Variants in TLR4 observed in about 807,000 individuals in gnomAD.
The protein encoded by TLR4 is toll-like receptor 4.
TLR4 carries 17 observed loss-of-function variants against 27.4 expected under a neutral mutation model. That is an observed-to-expected ratio of 0.62 (90% CI 0.42 to 0.93). TLR4 has a LOEUF of 0.93. TLR4 is among the 40% of genes least tolerant of loss of function. TLR4 has a pLI of 0.00. For missense variants in TLR4, 926 were observed against 962.3 expected (o/e 0.96, Z 0.50); for synonymous variants, 363 against 365.7 (o/e 0.99, Z 0.08).
At position 117,708,637 on chromosome 9, in the gene TLR4, C is replaced by T; in HGVS notation, c.168C>T (p.Thr56=). 1 of 1,613,980 alleles carries T rather than the reference C, an allele frequency of 6.2e-7. No homozygotes were observed. The highest frequency in any genetic ancestry group is 1.3e-5 in the African/African-American group (1 of 75,018). The part of the protein sequence containing the change: ...YKIPDNLPFS[T]KNLDLSFNPL... ...TCCCCGACAACCTCCCCTTCTCAAC[C>T]AAGAACCTGGACCTGAGCTTTAATC... is the stretch of plus-strand genomic sequence containing the variant. Residue 56 remains threonine, a synonymous_variant, in exon 2 of 3, where the codon ACC becomes ACT. Coordinates refer to ENST00000355622, the MANE Select transcript of TLR4 (RefSeq NM_138554.5).
chr9:117,719,440 C>G lies in TLR4; in HGVS notation c.*4792C>G, dbSNP rs1564269846. ...ACTGTTCTATGGCAAGAGCACCCTG[C>G]TCTCACAAAATGCATAAAACTTCCT... On this transcript the variant is annotated 3_prime_UTR_variant, in exon 3 of 3. Transcript: ENST00000355622. 1.3e-5 allele frequency: 2 copies of G among 152,094 alleles called. No homozygotes were observed. Among genetic ancestry groups the G allele is most frequent in the Non-Finnish European group, 2.9e-5 (2 of 68,012 alleles). 9.4% of individuals were successfully genotyped at this position (152,094 alleles called of 1,614,324 possible).
chr9:117,719,528 T>C lies in TLR4; in HGVS notation c.*4880T>C. On this transcript the variant is annotated 3_prime_UTR_variant, in exon 3 of 3. Coordinates refer to ENST00000355622, the MANE Select transcript of TLR4 (RefSeq NM_138554.5). ...AGAAGTATTATTATTATTACTTGTT[T>C]TTATTTATATTACAGCTGTAAGAGC... The C allele has an allele frequency of 6.6e-6, 1 of 152,338 alleles. No homozygotes were observed. Among genetic ancestry groups the C allele is most frequent in the South Asian group, 2.1e-4 (1 of 4,820 alleles). The allele number at this position is 152,338 out of a possible 1,614,324, so 9.4% of individuals were successfully genotyped here. A position where few individuals can be genotyped will look rare whatever the true frequency, so the allele number is the denominator to read the frequency against.
chr9:117,713,434 CAAAT>C lies in TLR4; in HGVS notation c.1307_1310del (p.Gln436ArgfsTer40), dbSNP rs1375700071. On this transcript the variant is annotated frameshift_variant, in exon 3 of 3. Transcript: ENST00000355622. LOFTEE classifies it low-confidence loss of function (END_TRUNC). ...GGATTTCCAGCATTCCAATTTGAAA[CAAAT>C]GAGTGAGTTTTCAGTATTCCTATCA... The C allele has an allele frequency of 1.2e-6, 2 of 1,614,012 alleles. No homozygotes were observed. Among genetic ancestry groups the C allele is most frequent in the South Asian group, 2.2e-5 (2 of 91,082 alleles).
intron 2 of TLR4, chr9:117,709,011 T>G: frequency 2.6e-6 from 1 of 387,248 alleles, no homozygotes; most frequent in Non-Finnish European, 4.8e-6. Flanking sequence ...CTTAAATTCT[T>G]TCATAAGCAG....
chr9:117,708,918 C>T (rs2131165500), intron 2 of TLR4, 189 bp downstream of exon 2: 3 of 680,320 alleles, frequency 4.4e-6, no homozygotes, highest in Non-Finnish European at 7.2e-6. Context: ...GTTTTCTAAT[C>T]TGTGAAGTAG....
In TLR4 at chr9:117,714,128, A is replaced by C; in HGVS notation, c.2000A>C (p.Tyr667Ser). ...HLMLLAGCIKYGRGENIYDAF... is the reference protein window; with the variant it reads ...HLMLLAGCIKSGRGENIYDAF... ...ATGCTTCTTGCTGGCTGCATAAAGT[A>C]TGGTAGAGGTGAAAACATCTATGAT... Residue 667 changes from tyrosine (Y) to serine (S), a missense_variant, in exon 3 of 3, where the codon TAT becomes TCT. Transcript: ENST00000355622. 3.1e-6 allele frequency: 5 copies of C among 1,614,122 alleles called. No individual in the cohort carries two copies. The highest frequency in any genetic ancestry group is 4.2e-6 in the Non-Finnish European group (5 of 1,180,012).
chr9:117,704,597 TC>T (rs1373420865), intron 1 of TLR4, 32 bp downstream of exon 1: 1 of 1,586,306 alleles, frequency 6.3e-7, no homozygotes, highest in Non-Finnish European at 8.7e-7. Context: ...CTCTGAACTT[TC>T]CCTCACTTCT....
chr9:117,723,248 G>A lies in TLR4; in HGVS notation c.*8600G>A, dbSNP rs945017515. On this transcript the variant is annotated 3_prime_UTR_variant, in exon 3 of 3. Coordinates refer to ENST00000355622, the MANE Select transcript of TLR4 (RefSeq NM_138554.5). ...CATGTGGTTTTAGCGTTCTAAACCTGATGATGCTATATCAAAACGGGAGAC... is the reference window on the plus strand; with the variant it reads ...CATGTGGTTTTAGCGTTCTAAACCTAATGATGCTATATCAAAACGGGAGAC... 1 of 152,192 alleles carries A rather than the reference G, an allele frequency of 6.6e-6. No homozygotes were observed. Among genetic ancestry groups the A allele is most frequent in the Non-Finnish European group, 1.5e-5 (1 of 68,046 alleles). 9.4% of individuals were successfully genotyped at this position (152,192 alleles called of 1,614,324 possible).
Position 117,713,917 on chromosome 9 carries a change from C to T in TLR4, c.1789C>T (p.Gln597Ter). ...GAGTTTCCTGCAATGGATCAAGGAC[C>T]AGAGGCAGCTCTTGGTGGAAGTTGA... ...HQSFLQWIKD[Q>*]RQLLVEVERM... The change falls in exon 3 of 3, where the codon CAG becomes TAG. Residue 597 changes from glutamine (Q) to a stop codon, truncating the protein, a stop_gained. Coordinates refer to ENST00000355622, the MANE Select transcript of TLR4 (RefSeq NM_138554.5). LOFTEE classifies it high-confidence loss of function. The T allele has an allele frequency of 6.2e-7, 1 of 1,613,990 alleles. No homozygotes were observed. Among genetic ancestry groups the T allele is most frequent in the Non-Finnish European group, 8.5e-7 (1 of 1,179,990 alleles).
chr9:117,708,522 C>G, intron 1 of TLR4, 41 bp from the exon 2 acceptor site: 1 of 1,612,790 alleles, frequency 6.2e-7, no homozygotes, highest in South Asian at 1.1e-5. Flanking sequence ...GTTGGGAGAC[C>G]ATGCAGTAAA....
intron 2 of TLR4, among the ~76,000 whole-genome samples, chr9:117,711,641 G>A (rs1182055373): frequency 6.6e-6 from 1 of 151,928 alleles, no homozygotes; most frequent in Non-Finnish European, 1.5e-5. Flanking sequence ...TGGGGCTTTT[G>A]TGTTTGCTGT....
rs1377427302 is a variant in TLR4 at position 117,723,863 on chromosome 9, A to G, written c.*9215A>G. The G allele has an allele frequency of 6.6e-6, 1 of 152,200 alleles. No homozygotes were observed. The highest frequency in any genetic ancestry group is 1.5e-5 in the Non-Finnish European group (1 of 68,034). 9.4% of individuals were successfully genotyped at this position (152,200 alleles called of 1,614,324 possible). On this transcript the variant is annotated 3_prime_UTR_variant, in exon 3 of 3. Transcript: ENST00000355622. Reference sequence around the variant, plus strand: ...CTTCTTTCCCATACTTGACATTTAAAGTGATATCTCCCAGGCTCCTACACT... The same window carrying G: ...CTTCTTTCCCATACTTGACATTTAAGGTGATATCTCCCAGGCTCCTACACT...
chr9:117,712,954 G>C lies in TLR4; in HGVS notation c.826G>C (p.Ala276Pro). Residue 276 changes from alanine (A) to proline (P), a missense_variant, in exon 3 of 3, where the codon GCT becomes CCT. Transcript: ENST00000355622. ...AAACTTGGAAAAGTTTGACAAATCT[G>C]CTCTAGAGGGCCTGTGCAATTTGAC... ...EGNLEKFDKS[A>P]LEGLCNLTIE... 1 of 1,614,122 alleles carries C rather than the reference G, an allele frequency of 6.2e-7. No individual in the cohort carries two copies. The highest frequency in any genetic ancestry group is 8.5e-7 in the Non-Finnish European group (1 of 1,179,992).
At chr9:117,708,361 T>A in intron 1 of TLR4, 3 of 1,399,932 alleles carry the variant, frequency 2.1e-6, no homozygotes, top group South Asian at 3.0e-5. Context: ...TACTTTCTAA[T>A]CTAGAGTAAG....
chr9:117,708,664 C>T lies in TLR4; in HGVS notation c.195C>T (p.Pro65=). 1 of 1,613,950 alleles carries T rather than the reference C, an allele frequency of 6.2e-7. No individual in the cohort carries two copies. Among genetic ancestry groups the T allele is most frequent in the Non-Finnish European group, 8.5e-7 (1 of 1,179,876 alleles). ...STKNLDLSFN[P]LRHLGSYSFF... is the part of the protein sequence containing the mutation. ...AGAACCTGGACCTGAGCTTTAATCC[C>T]CTGAGGCATTTAGGCAGCTATAGCT... is the stretch of plus-strand genomic sequence containing the variant. Residue 65 remains proline (P), a synonymous_variant, in exon 2 of 3, where the codon CCC becomes CCT. Transcript: ENST00000355622.
At position 117,713,416 on chromosome 9, in the gene TLR4, C is replaced by T; in HGVS notation, c.1288C>T (p.Gln430Ter). The T allele has an allele frequency of 3.7e-6, 6 of 1,614,004 alleles. No individual in the cohort carries two copies. The highest frequency in any genetic ancestry group is 5.1e-6 in the Non-Finnish European group (6 of 1,179,954). The change falls in exon 3 of 3, where the codon CAG (glutamine) becomes TAG (stop). Residue 430 changes from glutamine (Q) to a stop codon, truncating the protein, a stop_gained. Transcript: ENST00000355622. LOFTEE classifies it low-confidence loss of function (END_TRUNC). ...GLEQLEHLDF[Q>*]HSNLKQMSEF... ...AGAACAACTAGAACATCTGGATTTC[C>T]AGCATTCCAATTTGAAACAAATGAG...
In TLR4 at chr9:117,719,882, C is replaced by T. The variant is rs550071179; in HGVS notation, c.*5234C>T. 6.6e-6 allele frequency: 1 copy of T among 152,108 alleles called. No individual in the cohort carries two copies. The highest frequency in any genetic ancestry group is 1.5e-5 in the Non-Finnish European group (1 of 68,034). 9.4% of individuals were successfully genotyped at this position (152,108 alleles called of 1,614,324 possible). A position where few individuals can be genotyped will look rare whatever the true frequency, so the allele number is the denominator to read the frequency against. ...GGAACCAACTATATTGAGCACCATGCGTGATCATCTGATCGTTACTGCTAC... is the reference window on the plus strand; with the variant it reads ...GGAACCAACTATATTGAGCACCATGTGTGATCATCTGATCGTTACTGCTAC... On this transcript the variant is annotated 3_prime_UTR_variant, in exon 3 of 3. Coordinates refer to ENST00000355622, the MANE Select transcript of TLR4 (RefSeq NM_138554.5).
chr9:117,705,966 AAAAG>A (rs1363598990), intron 1 of TLR4, among the ~76,000 whole-genome samples: 1 of 152,200 alleles, frequency 6.6e-6, no homozygotes, highest in Non-Finnish European at 1.5e-5. Context: ...CCTCATTAAA[AAAAG>A]AAACAAGTGA....
chr9:117,712,789 G>T lies in TLR4; in HGVS notation c.661G>T (p.Gly221Cys). The T allele has an allele frequency of 6.2e-7, 1 of 1,613,890 alleles. No homozygotes were observed. The highest frequency in any genetic ancestry group is 1.1e-5 in the South Asian group (1 of 91,076). The stretch of plus-strand genomic sequence containing the variant: ...GAACCCTATGAACTTTATCCAACCA[G>T]GTGCATTTAAAGAAATTAGGCTTCA... ...SLNPMNFIQP[G>C]AFKEIRLHKL... The change falls in exon 3 of 3, where the codon GGT (glycine) becomes TGT (cysteine). Residue 221 changes from glycine to cysteine, a missense_variant. Gly to Cys is a radical substitution (Grantham distance 159). Transcript: ENST00000355622.
Sources: gnomAD v4.1 joint callset for allele counts (sites outside exome capture counted in the v4.1 genomes callset) on GRCh38, gnomAD v4.1.1 for gene constraint, MANE v1.5 for transcripts, NCBI Gene and HGNC (gene_info 2026-07-23, HGNC 2026-07-21) for gene names.